The following JMJD1C variants were observed in gnomAD, a reference collection of about 807,000 sequenced individuals.
The protein encoded by JMJD1C is jumonji domain containing 1C, also known as jumonji domain-containing protein 1C.
Under a neutral mutation model 245.3 loss-of-function variants are expected in JMJD1C, and 31 were observed. The ratio of observed to expected loss-of-function variants is 0.13; its 90% CI spans 0.09 to 0.17. The LOEUF (loss-of-function observed/expected upper bound fraction) is 0.17. Among genes scored for constraint, JMJD1C ranks in the 10% least tolerant of loss-of-function variants. The pLI, the probability that JMJD1C is intolerant of heterozygous loss-of-function variation, is 1.00. For missense variants in JMJD1C, 2,691 were observed against 3,000.2 expected (o/e 0.90, Z 2.41); for synonymous variants, 1,057 against 1,017.4 (o/e 1.04, Z -0.74).
intron 9 of JMJD1C, 81 bp from the exon 10 acceptor site, chr10:63,208,882 A>G: frequency 3.3e-6 from 4 of 1,194,430 alleles, no homozygotes; most frequent in East Asian, 4.9e-5. Context: ...ATATCATTCT[A>G]TTATGAAAGT....
chr10:63,227,119 C>T (rs1316660069), intron 3 of JMJD1C, among the ~76,000 whole-genome samples: 1 of 151,862 alleles, frequency 6.6e-6, no homozygotes, highest in Non-Finnish European at 1.5e-5. Context: ...GACTACTGTA[C>T]TAACATAATT....
intron 1 of JMJD1C, among the ~76,000 whole-genome samples, chr10:63,515,213 T>C (rs916617925): frequency 2.0e-5 from 3 of 152,200 alleles, no homozygotes; most frequent in African/African-American, 4.8e-5. Flanking sequence ...CTTTTCTCCA[T>C]GTGGAGGGCT....
At chr10:63,449,809 C>T (rs541569647) in intron 1 of JMJD1C, among the ~76,000 whole-genome samples, 1 of 152,152 alleles carries the variant, frequency 6.6e-6, no homozygotes, top group Non-Finnish European at 1.5e-5. Flanking sequence ...GTCTATAAAA[C>T]TGTACACAAT....
intron 1 of JMJD1C, among the ~76,000 whole-genome samples, chr10:63,500,686 C>T (rs1335116209): frequency 1.3e-5 from 2 of 151,638 alleles, no homozygotes; most frequent in African/African-American, 2.4e-5. Flanking sequence ...GAGCTGAGAT[C>T]GGGCCACTGA....
intron 3 of JMJD1C, among the ~76,000 whole-genome samples, chr10:63,241,007 G>GC (rs1288584481): frequency 7.9e-5 from 12 of 152,272 alleles, no homozygotes; most frequent in African/African-American, 2.9e-4. Flanking sequence ...AAATGAGTAA[G>GC]CCTATGATAC....
intron 2 of JMJD1C, among the ~76,000 whole-genome samples, chr10:63,315,437 A>C (rs754866997): frequency 6.6e-6 from 1 of 152,202 alleles, no homozygotes; most frequent in Non-Finnish European, 1.5e-5. Context: ...TCCTTCTGCC[A>C]TAAGAACCTT....
At chr10:63,245,746 G>C (rs1489682533) in intron 3 of JMJD1C, among the ~76,000 whole-genome samples, 1 of 152,134 alleles carries the variant, frequency 6.6e-6, no homozygotes, top group Non-Finnish European at 1.5e-5. Context: ...GCCTCCCAAA[G>C]TGCTGGGATT....
intron 1 of JMJD1C, among the ~76,000 whole-genome samples, chr10:63,421,122 G>A (rs368408908): frequency 1.2e-4 from 19 of 152,092 alleles, no homozygotes; most frequent in African/African-American, 4.1e-4. Context: ...ATCATCTGAG[G>A]TCGGGAGTTC....
At chr10:63,184,869 T>C (rs911420714) in intron 20 of JMJD1C, 131 bp from the exon 21 acceptor site, 1 of 795,592 alleles carries the variant, frequency 1.3e-6, no homozygotes, top group South Asian at 1.9e-5. Context: ...TTTCCTTGAC[T>C]CAAGTGATAC....
In JMJD1C at chr10:63,167,926, A is replaced by G. The variant is rs1841993652; in HGVS notation, c.*119T>C. ...GGTGTCAGTAACAAGTAATTACTAC[A>G]AAGAGAATTTCTTGGCACTGATGGT... On this transcript the variant is annotated 3_prime_UTR_variant, in exon 26 of 26. Coordinates refer to ENST00000399262, the MANE Select transcript of JMJD1C (RefSeq NM_032776.3). The G allele has an allele frequency of 3.0e-6, 2 of 664,210 alleles. No individual in the cohort carries two copies. Among genetic ancestry groups the G allele is most frequent in the Admixed American group, 2.3e-5 (1 of 43,088 alleles). 41.1% of individuals were successfully genotyped at this position (664,210 alleles called of 1,614,324 possible). A position where few individuals can be genotyped will look rare whatever the true frequency, so the allele number is the denominator to read the frequency against.
intron 1 of JMJD1C, among the ~76,000 whole-genome samples, chr10:63,397,924 CT>C (rs1459251063): frequency 2.0e-5 from 3 of 152,196 alleles, no homozygotes; most frequent in Non-Finnish European, 4.4e-5. Flanking sequence ...AATTTAGTCT[CT>C]TAATGTGTAA....
chr10:63,314,207 T>C (rs1450460779), intron 2 of JMJD1C, among the ~76,000 whole-genome samples: 1 of 152,196 alleles, frequency 6.6e-6, no homozygotes, highest in Non-Finnish European at 1.5e-5. Flanking sequence ...TTTTGTTTGT[T>C]TTGTTGAGGA....
chr10:63,392,867 A>AACACACACACAC (rs34778084), intron 1 of JMJD1C, among the ~76,000 whole-genome samples: 1,916 of 112,202 alleles, frequency 0.017, 26 homozygotes, highest in Middle Eastern at 0.024. Context: ...AAAGTACATA[A>AACACACACACAC]ACACACACAC....
chr10:63,397,658 C>T (rs1198024350), intron 1 of JMJD1C, among the ~76,000 whole-genome samples: 2 of 151,534 alleles, frequency 1.3e-5, no homozygotes, highest in East Asian at 3.9e-4. Context: ...CTCAGCTGTC[C>T]AAGTAGGTGG....
At chr10:63,360,261 T>C (rs1382302696) in intron 2 of JMJD1C, among the ~76,000 whole-genome samples, 1 of 152,084 alleles carries the variant, frequency 6.6e-6, no homozygotes, top group Non-Finnish European at 1.5e-5. Flanking sequence ...CTTGGGAGGC[T>C]GAGGTAGAAG....
At chr10:63,187,078 TA>T (rs1321661466) in intron 18 of JMJD1C, among the ~76,000 whole-genome samples, 5 of 151,976 alleles carry the variant, frequency 3.3e-5, no homozygotes, top group Admixed American at 3.3e-4. Flanking sequence ...ACTTGTAACA[TA>T]ATTAAAATAT....
At chr10:63,175,288 C>A (rs375963225) in intron 24 of JMJD1C, among the ~76,000 whole-genome samples, 1 of 152,146 alleles carries the variant, frequency 6.6e-6, no homozygotes, top group East Asian at 1.9e-4. Flanking sequence ...AATATGACAT[C>A]TCTGAAATAA....
chr10:63,212,123 T>C (rs1433374791), intron 8 of JMJD1C, among the ~76,000 whole-genome samples: 1 of 152,100 alleles, frequency 6.6e-6, no homozygotes. Context: ...TCTAAAGTCA[T>C]GAAAACCATA....
intron 1 of JMJD1C, among the ~76,000 whole-genome samples, chr10:63,395,471 C>CT (rs1948424984): frequency 6.6e-6 from 1 of 152,016 alleles, no homozygotes; most frequent in Admixed American, 6.6e-5. Flanking sequence ...GAGGGAGACT[C>CT]TGTCTCAAAA....
Sources: gnomAD v4.1 joint callset for allele counts (sites outside exome capture counted in the v4.1 genomes callset) on GRCh38, gnomAD v4.1.1 for gene constraint, MANE v1.5 for transcripts, NCBI Gene and HGNC (gene_info 2026-07-23, HGNC 2026-07-21) for gene names.